Variants in KCNAB1 observed in about 807,000 individuals in gnomAD.
The protein encoded by KCNAB1 is voltage-gated potassium channel subunit beta-1.
Under a neutral mutation model 64.6 loss-of-function variants are expected in KCNAB1, and 35 were observed. The observed-to-expected ratio is 0.54, with a 90% CI of 0.41 to 0.72. The LOEUF is 0.72. Ranked by LOEUF, KCNAB1 falls within the 30% of genes least tolerant of loss-of-function variation. The pLI is 0.00. For synonymous variants in KCNAB1, 177 were observed against 183.8 expected (o/e 0.96, Z 0.30); for missense variants, 401 against 512.9 (o/e 0.78, Z 2.11).
At chr3:156,388,179 G>A (rs1712754859) in intron 1 of KCNAB1, among the ~76,000 whole-genome samples, 1 of 152,204 alleles carries the variant, frequency 6.6e-6, no homozygotes, top group Admixed American at 6.5e-5. Flanking sequence ...GGTAACCAGT[G>A]CCAGAACCCT....
chr3:156,353,545 G>C (rs1724996253), intron 1 of KCNAB1, among the ~76,000 whole-genome samples: 1 of 152,258 alleles, frequency 6.6e-6, no homozygotes, highest in Admixed American at 6.5e-5. Context: ...AGGTGGCTTA[G>C]CTGGGTCCTC....
intron 1 of KCNAB1, among the ~76,000 whole-genome samples, chr3:156,146,056 C>T (rs1009500404): frequency 6.6e-6 from 1 of 152,124 alleles, no homozygotes; most frequent in Non-Finnish European, 1.5e-5. Context: ...AGCCCAATAC[C>T]AGCTGCTTGG....
At chr3:156,143,230 C>G in intron 1 of KCNAB1, 1 of 1,613,784 alleles carries the variant, frequency 6.2e-7, no homozygotes, top group Non-Finnish European at 8.5e-7. Flanking sequence ...CAAGCTGGGT[C>G]TGCCAAAATC....
At position 156,370,831 on chromosome 3, in the gene KCNAB1, G is replaced by T. The variant is rs114792694; in HGVS notation, c.276-50785G>T. ...TCACATACAGGGGAGAGATTCCGTG[G>T]TGGCAGGCTGGGTAGGAGAACCGCC... On this transcript the variant is annotated intron_variant, in intron 1 of 13. Transcript: ENST00000490337. Among the ~76,000 whole-genome samples the T allele has an allele frequency of 6.9e-3, 1,053 of 152,328 alleles. 9 individuals are homozygous for T. The highest frequency in any genetic ancestry group is 0.024 in the African/African-American group (1,008 of 41,572).
intron 13 of KCNAB1, among the ~76,000 whole-genome samples, chr3:156,534,823 G>A (rs1410581935): frequency 2.6e-5 from 4 of 152,156 alleles, no homozygotes; most frequent in Admixed American, 6.5e-5. Flanking sequence ...TGTAAAATCT[G>A]TAGTAGTTTA....
chr3:156,496,835 T>G (rs1716044669), intron 8 of KCNAB1, among the ~76,000 whole-genome samples: 1 of 151,990 alleles, frequency 6.6e-6, no homozygotes, highest in Non-Finnish European at 1.5e-5. Context: ...AGAAAGAGAT[T>G]AAGGGCCCCA....
At chr3:156,256,088 A>G (rs1421987368) in intron 1 of KCNAB1, among the ~76,000 whole-genome samples, 6 of 152,250 alleles carry the variant, frequency 3.9e-5, no homozygotes, top group Admixed American at 3.9e-4. Flanking sequence ...AAAAGCAGCC[A>G]TAGTTTGACT....
chr3:156,280,402 G>A (rs1719634028), intron 1 of KCNAB1, among the ~76,000 whole-genome samples: 1 of 151,836 alleles, frequency 6.6e-6, no homozygotes, highest in Admixed American at 6.6e-5. Flanking sequence ...CAGGTAGTGT[G>A]ATGCCTCCAG....
chr3:156,521,984 C>T (rs1717968633), intron 11 of KCNAB1, among the ~76,000 whole-genome samples: 1 of 146,764 alleles, frequency 6.8e-6, no homozygotes, highest in South Asian at 2.1e-4. Context: ...GGAAGTCTGT[C>T]TCTGAAAATG....
At chr3:156,429,673 A>G (rs1262029730) in intron 2 of KCNAB1, among the ~76,000 whole-genome samples, 2 of 152,198 alleles carry the variant, frequency 1.3e-5, no homozygotes, top group Non-Finnish European at 2.9e-5. Context: ...TTTTTATGAC[A>G]CCCTTCATGA....
chr3:156,330,472 C>T (rs1352092889), intron 1 of KCNAB1, among the ~76,000 whole-genome samples: 1 of 152,148 alleles, frequency 6.6e-6, no homozygotes, highest in Non-Finnish European at 1.5e-5. Context: ...AATTCTTTTA[C>T]AGCCACAAGG....
chr3:156,443,353 A>T (rs963573353), intron 2 of KCNAB1, among the ~76,000 whole-genome samples: 6 of 152,110 alleles, frequency 3.9e-5, no homozygotes, highest in Non-Finnish European at 8.8e-5. Flanking sequence ...ACAAGCATTT[A>T]GAGCAAACCT....
chr3:156,529,237 G>A (rs562276390), intron 12 of KCNAB1, among the ~76,000 whole-genome samples: 2 of 152,192 alleles, frequency 1.3e-5, no homozygotes, highest in East Asian at 1.9e-4. Context: ...AGACACAAAC[G>A]ACCACCTATT....
At chr3:156,536,500 A>G (rs1179270355) in intron 13 of KCNAB1, 158 bp from the exon 14 acceptor site, 43 of 622,210 alleles carry the variant, frequency 6.9e-5, no homozygotes, top group Non-Finnish European at 6.1e-5. Context: ...GACCTCAAGG[A>G]GCTTACAATG....
At chr3:156,203,310 A>AT (rs1714461613) in intron 1 of KCNAB1, among the ~76,000 whole-genome samples, 1 of 152,216 alleles carries the variant, frequency 6.6e-6, no homozygotes, top group Non-Finnish European at 1.5e-5. Flanking sequence ...CTGATCTCTG[A>AT]TTTAGCATAA....
intron 1 of KCNAB1, among the ~76,000 whole-genome samples, chr3:156,281,349 C>T (rs1293598309): frequency 6.6e-6 from 1 of 151,894 alleles, no homozygotes; most frequent in Non-Finnish European, 1.5e-5. Context: ...TTTTGATGTG[C>T]TGCTGGATTC....
intron 1 of KCNAB1, among the ~76,000 whole-genome samples, chr3:156,366,296 T>C (rs1002423832): frequency 2.6e-5 from 4 of 152,158 alleles, no homozygotes; most frequent in Non-Finnish European, 5.9e-5. Context: ...GGAAGGCTGG[T>C]GCTAGAAAAT....
chr3:156,198,441 C>T (rs1714100135), intron 1 of KCNAB1, among the ~76,000 whole-genome samples: 1 of 152,114 alleles, frequency 6.6e-6, no homozygotes, highest in Non-Finnish European at 1.5e-5. Context: ...TTGTAGCTCT[C>T]TAAGAACTTG....
rs570195014 is a variant in KCNAB1 at position 156,205,157 on chromosome 3, C to T, written c.275+84271C>T. On this transcript the variant is annotated intron_variant, in intron 1 of 13. Coordinates refer to ENST00000490337, the MANE Select transcript of KCNAB1 (RefSeq NM_172160.3). ...GGGATTCTTAGAAAGAACATTTTCACGGAGAAGGCAAAATTCCAAGTTTCC... is the reference window on the plus strand; with the variant it reads ...GGGATTCTTAGAAAGAACATTTTCATGGAGAAGGCAAAATTCCAAGTTTCC... 7.9e-5 allele frequency among the ~76,000 whole-genome samples: 12 copies of T among 152,178 alleles called. 1 individual carries two copies. The highest frequency in any genetic ancestry group is 4.1e-4 in the South Asian group (2 of 4,822).
Sources: allele counts gnomAD v4.1 joint callset (sites outside exome capture counted in the v4.1 genomes callset), GRCh38; gene constraint gnomAD v4.1.1; transcripts MANE v1.5; gene names NCBI Gene and HGNC (gene_info 2026-07-23, HGNC 2026-07-21).